The following EFHC2 variants were observed in gnomAD, a reference collection of about 807,000 sequenced individuals.
EFHC2 encodes the protein EF-hand domain containing 2, also known as EF-hand domain-containing family member C2.
Under a neutral mutation model 52.7 loss-of-function variants are expected in EFHC2, and 18 were observed. The ratio of observed to expected loss-of-function variants is 0.34; its 90% confidence interval spans 0.24 to 0.51. The LOEUF (loss-of-function observed/expected upper bound fraction) is 0.51. EFHC2 is among the 20% of genes least tolerant of loss of function. EFHC2 has a pLI of 0.97. For synonymous variants in EFHC2, 203 were observed against 204.1 expected (o/e 0.99, Z 0.04); for missense variants, 513 against 562.5 (o/e 0.91, Z 0.89).
chrX:44,259,270 C>A (rs1174706842), intron 4 of EFHC2, among the ~76,000 whole-genome samples: 1 of 111,153 alleles, frequency 9.0e-6, no homozygotes, highest in Admixed American at 9.6e-5. Context: ...AGTTGGAAAC[C>A]AGCATTCTCA....
At chrX:44,276,191 G>C (rs1032982039) in intron 2 of EFHC2, among the ~76,000 whole-genome samples, 2 of 111,221 alleles carry the variant, frequency 1.8e-5, no homozygotes, top group Non-Finnish European at 3.8e-5. Flanking sequence ...GCTACATCAG[G>C]AGGATTGAAA....
intron 11 of EFHC2, among the ~76,000 whole-genome samples, chrX:44,223,532 A>G (rs2037209997): frequency 9.1e-6 from 1 of 110,089 alleles, no homozygotes; most frequent in Non-Finnish European, 1.9e-5. Flanking sequence ...CTAGCCAGAG[A>G]GGATATTCCT....
At chrX:44,151,256 T>C (rs2036568199) in intron 14 of EFHC2, among the ~76,000 whole-genome samples, 1 of 111,737 alleles carries the variant, frequency 8.9e-6, no homozygotes, top group Non-Finnish European at 1.9e-5. Context: ...AGGAAACTAA[T>C]ACAGGTAAGG....
intron 11 of EFHC2, among the ~76,000 whole-genome samples, chrX:44,197,833 C>T (rs905019702): frequency 3.6e-5 from 4 of 112,519 alleles, no homozygotes; most frequent in African/African-American, 6.5e-5. Context: ...TCCTGCCCTG[C>T]GGTATCCTCT....
At chrX:44,330,353 C>T (rs1239221324) in intron 1 of EFHC2, among the ~76,000 whole-genome samples, 1 of 111,474 alleles carries the variant, frequency 9.0e-6, no homozygotes, top group African/African-American at 3.3e-5. Context: ...AGAAAAAAAC[C>T]GATAAATTAG....
At chrX:44,277,661 T>C (rs1298830008) in intron 2 of EFHC2, among the ~76,000 whole-genome samples, 1 of 111,450 alleles carries the variant, frequency 9.0e-6, no homozygotes, top group Non-Finnish European at 1.9e-5. Flanking sequence ...TACATGACAA[T>C]ATATATATTT....
At chrX:44,339,122 C>A (rs1260072261) in intron 1 of EFHC2, among the ~76,000 whole-genome samples, 2 of 107,675 alleles carry the variant, frequency 1.9e-5, no homozygotes, top group Non-Finnish European at 1.9e-5. Context: ...ACCTGGGAGG[C>A]AGAGGTTGCA....
intron 1 of EFHC2, among the ~76,000 whole-genome samples, chrX:44,324,753 G>T (rs755766434): frequency 8.9e-6 from 1 of 112,207 alleles, no homozygotes; most frequent in African/African-American, 3.2e-5. Context: ...AAATTGAGAA[G>T]AAACCAAAAT....
chrX:44,153,938 T>A (rs992291531), intron 14 of EFHC2, among the ~76,000 whole-genome samples: 2 of 112,422 alleles, frequency 1.8e-5, no homozygotes, highest in African/African-American at 6.5e-5. Flanking sequence ...TTCCCAGCAA[T>A]GCATATCAAT....
At chrX:44,292,975 C>CTTTTT (rs370747140) in intron 2 of EFHC2, among the ~76,000 whole-genome samples, 1 of 94,223 alleles carries the variant, frequency 1.1e-5, no homozygotes, top group Non-Finnish European at 2.1e-5. Context: ...TCCTTTCTTT[C>CTTTTT]TTTTTTTTTT....
chrX:44,211,282 C>T (rs2037093011), intron 11 of EFHC2, among the ~76,000 whole-genome samples: 1 of 112,229 alleles, frequency 8.9e-6, no homozygotes, highest in South Asian at 3.7e-4. Context: ...AATCTCAGCA[C>T]TTTGGGAGGC....
At chrX:44,187,135 G>GTATATA (rs746801274) in intron 11 of EFHC2, among the ~76,000 whole-genome samples, 21 of 61,753 alleles carry the variant, frequency 3.4e-4, no homozygotes, top group African/African-American at 1.2e-3. Flanking sequence ...AAACAAAATG[G>GTATATA]TATATATATA....
rs866920997 is a variant in EFHC2, at chrX:44,242,155, G to A, written c.1246C>T (p.Arg416Trp). The change falls in exon 8 of 15, where the codon CGG (arginine) becomes TGG (tryptophan). Residue 416 changes from arginine to tryptophan, a missense_variant. Transcript: ENST00000420999. Reference protein sequence around the residue: ...NCIDLKPTPHRRNFKKFMEKD... With the variant: ...NCIDLKPTPHWRNFKKFMEKD... ...TCCATAAACTTCTTGAAGTTCCTCC[G>A]ATGAGGTGTGGGCTTGAGGTCTATG... The A allele has an allele frequency of 4.2e-6, 5 of 1,197,626 alleles. No individual in the cohort carries two copies. Among genetic ancestry groups the A allele is most frequent in the South Asian group, 1.9e-5 (1 of 53,129 alleles).
At chrX:44,167,877 C>T (rs1369729908) in intron 13 of EFHC2, among the ~76,000 whole-genome samples, 1 of 111,788 alleles carries the variant, frequency 8.9e-6, no homozygotes, top group Admixed American at 9.5e-5. Context: ...TGCAGTAAAT[C>T]ACGATGAATC....
chrX:44,233,629 C>T (rs772277673), intron 9 of EFHC2, among the ~76,000 whole-genome samples: 1 of 111,585 alleles, frequency 9.0e-6, no homozygotes, highest in East Asian at 2.8e-4. Context: ...CACAGGCTTC[C>T]GAGCTCTGTC....
chrX:44,332,771 G>C (rs2038095703), intron 1 of EFHC2, among the ~76,000 whole-genome samples: 1 of 111,031 alleles, frequency 9.0e-6, no homozygotes, highest in South Asian at 3.9e-4. Context: ...CTATCCCTCA[G>C]CATGGTGCAA....
At chrX:44,165,828 G>T (rs963150350) in intron 13 of EFHC2, among the ~76,000 whole-genome samples, 1 of 111,480 alleles carries the variant, frequency 9.0e-6, no homozygotes, top group Non-Finnish European at 1.9e-5. Context: ...TGATTAGATA[G>T]TGAGGGCTCT....
chrX:44,313,277 G>C (rs1428447477), intron 1 of EFHC2, among the ~76,000 whole-genome samples: 3 of 111,713 alleles, frequency 2.7e-5, no homozygotes, highest in Non-Finnish European at 5.6e-5. Context: ...TCCTTTAATT[G>C]AAAAACCTTA....
intron 4 of EFHC2, among the ~76,000 whole-genome samples, chrX:44,260,114 T>C (rs1422151522): frequency 1.8e-5 from 2 of 111,412 alleles, no homozygotes; most frequent in East Asian, 5.6e-4. Flanking sequence ...AGCAGTTGTC[T>C]GTGGTGGGGA....
Sources: gnomAD v4.1 joint callset for allele counts (sites outside exome capture counted in the v4.1 genomes callset) on GRCh38, gnomAD v4.1.1 for gene constraint, MANE v1.5 for transcripts, NCBI Gene and HGNC (gene_info 2026-07-23, HGNC 2026-07-21) for gene names.